DMD: variants seen among roughly 807,000 people sequenced by gnomAD.
The protein encoded by DMD is dystrophin, also known as mutant dystrophin.
Under a neutral mutation model 330.1 loss-of-function variants are expected in DMD, and 63 were observed. The ratio of observed to expected loss-of-function variants is 0.19; its 90% CI spans 0.16 to 0.24. The LOEUF is 0.24. DMD is among the 10% of genes least tolerant of loss of function. DMD has a pLI of 1.00. For missense variants in DMD, 3,344 were observed against 2,684.1 expected (o/e 1.25, Z -5.43); for synonymous variants, 1,223 against 959.8 (o/e 1.27, Z -5.07).
intron 11 of DMD, among the ~76,000 whole-genome samples, chrX:32,623,129 T>A (rs1342350807): frequency 1.8e-5 from 2 of 111,601 alleles, no homozygotes; most frequent in Non-Finnish European, 3.8e-5. Flanking sequence ...AGTACTGATA[T>A]GTGAAAAACT....
intron 7 of DMD, among the ~76,000 whole-genome samples, chrX:32,701,122 C>T (rs985567772): frequency 1.6e-4 from 18 of 111,996 alleles, no homozygotes; most frequent in African/African-American, 5.2e-4. Flanking sequence ...TTCAATAGAT[C>T]GGGGTAGAGC....
chrX:32,671,989 A>T (rs2061664588), intron 9 of DMD, among the ~76,000 whole-genome samples: 1 of 111,756 alleles, frequency 8.9e-6, no homozygotes, highest in Non-Finnish European at 1.9e-5. Context: ...AATGACAGAA[A>T]AGAAAAATAT....
At chrX:32,123,243 A>ATATATATATATATATAT (rs1491535545) in intron 44 of DMD, among the ~76,000 whole-genome samples, 51 of 82,845 alleles carry the variant, frequency 6.2e-4, no homozygotes, top group Non-Finnish European at 7.8e-4. Context: ...ATATATATAT[A>ATATATATATATATATAT]AATGATCAAA....
At position 33,250,085 on chromosome X, in the gene DMD, T is replaced by TTATATATATATATATATATATA. The variant is rs560212408; in HGVS notation, c.7+89152_7+89173dup. On this transcript the variant is annotated intron_variant, in intron 1 of 17. Transcript: ENST00000288447. ...AGCCCACATAGTAGTAAACTATTCA[T>TTATATATATATATATATATATA]TATATATATATATATATATATATAT... Among the ~76,000 whole-genome samples the TTATATATATATATATATATATA allele has an allele frequency of 2.8e-3, 211 of 75,326 alleles. 3 individuals carry two copies. The highest frequency in any genetic ancestry group is 4.8e-3 in the African/African-American group (66 of 13,845). 65.4% of individuals were successfully genotyped at this position (75,326 alleles called of 115,157 possible).
At chrX:31,778,326 T>C (rs1344967833) in intron 50 of DMD, among the ~76,000 whole-genome samples, 1 of 111,658 alleles carries the variant, frequency 9.0e-6, no homozygotes, top group Non-Finnish European at 1.9e-5. Context: ...CTGATAGTAG[T>C]TGAGAGTTGG....
intron 60 of DMD, among the ~76,000 whole-genome samples, chrX:31,429,100 C>T (rs769579981): frequency 4.9e-5 from 5 of 102,489 alleles, no homozygotes; most frequent in East Asian, 3.1e-4. Flanking sequence ...CCAGCCTGGG[C>T]GACAGATTGA....
intron 5 of DMD, among the ~76,000 whole-genome samples, chrX:32,822,489 T>A (rs997004590): frequency 9.0e-6 from 1 of 110,512 alleles, no homozygotes; most frequent in East Asian, 2.8e-4. Context: ...TGTATACATA[T>A]TATGATTATA....
intron 11 of DMD, among the ~76,000 whole-genome samples, chrX:32,629,919 G>T (rs775085413): frequency 9.1e-6 from 1 of 110,348 alleles, no homozygotes; most frequent in Non-Finnish European, 1.9e-5. Context: ...TGATAGGTTC[G>T]TCTTTTAGTC....
intron 7 of DMD, among the ~76,000 whole-genome samples, chrX:32,804,012 T>C (rs1385698076): frequency 8.9e-6 from 1 of 111,832 alleles, no homozygotes; most frequent in Non-Finnish European, 1.9e-5. Context: ...ATATCCTTTT[T>C]AATTTTCTGT....
chrX:32,422,837 T>C (rs1313566249), intron 29 of DMD, among the ~76,000 whole-genome samples: 1 of 111,319 alleles, frequency 9.0e-6, no homozygotes, highest in East Asian at 2.8e-4. Flanking sequence ...CAGATTTGAT[T>C]ATTCAATCTC....
In DMD at chrX:32,438,345, T is replaced by A. The variant is rs770016783; in HGVS notation, c.3967A>T (p.Ile1323Phe). ...GTTAGGGTCTGTGCCAATATGCGAA[T>A]CTGATTTGGGTTATCCTCTGAATGT... ...MRHSEDNPNQ[I>F]RILAQTLTDG... The change falls in exon 29 of 79, where the codon ATT (isoleucine) becomes TTT (phenylalanine). Residue 1323 changes from isoleucine (I) to phenylalanine (F), a missense_variant. Physicochemically the swap from Ile to Phe is conservative, Grantham distance 21 (BLOSUM62 0). Coordinates refer to ENST00000357033, the MANE Select transcript of DMD (RefSeq NM_004006.3). 1.7e-6 allele frequency: 2 copies of A among 1,210,038 alleles called. No individual in the cohort carries two copies. Among genetic ancestry groups the A allele is most frequent in the African/African-American group, 3.5e-5 (2 of 57,283 alleles).
intron 44 of DMD, among the ~76,000 whole-genome samples, chrX:32,040,988 G>T (rs2095997212): frequency 9.0e-6 from 1 of 111,120 alleles, no homozygotes; most frequent in African/African-American, 3.3e-5. Flanking sequence ...ATGAACACTT[G>T]GGAACTGGGA....
At chrX:32,352,376 AAAC>A (rs1288386580) in intron 37 of DMD, among the ~76,000 whole-genome samples, 3 of 111,238 alleles carry the variant, frequency 2.7e-5, no homozygotes, top group Non-Finnish European at 5.7e-5. Context: ...CCATAGTAAA[AAAC>A]AAAAAACAGA....
intron 1 of DMD, among the ~76,000 whole-genome samples, chrX:33,250,725 G>A (rs1308153201): frequency 1.8e-5 from 2 of 110,681 alleles, no homozygotes; most frequent in Non-Finnish European, 3.8e-5. Context: ...AACAGGTGGA[G>A]AATAGAAGTA....
chrX:32,832,185 C>T (rs913269979), intron 4 of DMD, among the ~76,000 whole-genome samples: 35 of 110,746 alleles, frequency 3.2e-4, no homozygotes, highest in African/African-American at 1.1e-3. Context: ...GGTAAGCTAC[C>T]TTTTCACTCA....
At chrX:33,213,021 G>A (rs897912477), upstream of DMD, among the ~76,000 whole-genome samples, 3 of 111,060 alleles carry the variant, frequency 2.7e-5, no homozygotes, top group African/African-American at 6.6e-5. Flanking sequence ...AGGCCAAGGC[G>A]TGAATACAAC....
intron 60 of DMD, among the ~76,000 whole-genome samples, chrX:31,394,076 A>G (rs1343003176): frequency 8.9e-6 from 1 of 112,778 alleles, no homozygotes; most frequent in South Asian, 3.7e-4. Context: ...AGCTATGTCA[A>G]TATTTGCTAA....
At chrX:32,827,680 G>A (rs2078833962) in intron 4 of DMD, among the ~76,000 whole-genome samples, 1 of 99,179 alleles carries the variant, frequency 1.0e-5, no homozygotes, top group East Asian at 3.1e-4. Flanking sequence ...TTTTTTTTGA[G>A]GTGGAGTTTC....
intron 7 of DMD, among the ~76,000 whole-genome samples, chrX:32,747,733 C>A (rs1180344188): frequency 1.8e-5 from 2 of 110,681 alleles, no homozygotes; most frequent in Non-Finnish European, 1.9e-5. Context: ...CCTGCCTTGG[C>A]CTCCCAAAGT....
Sources: allele counts gnomAD v4.1 joint callset (sites outside exome capture counted in the v4.1 genomes callset), GRCh38; gene constraint gnomAD v4.1.1; transcripts MANE v1.5; gene names NCBI Gene and HGNC (gene_info 2026-07-23, HGNC 2026-07-21).